The following ITSN1 variants were observed in gnomAD, a reference collection of about 807,000 sequenced individuals.
The protein encoded by ITSN1 is intersectin 1, also known as intersectin-1.
Under a neutral mutation model 239.8 loss-of-function variants are expected in ITSN1, and 58 were observed. The ratio of observed to expected loss-of-function variants is 0.24; its 90% CI spans 0.20 to 0.30. ITSN1 has a LOEUF of 0.30. ITSN1 is among the 10% of genes least tolerant of loss of function. The pLI, the probability that ITSN1 is intolerant of heterozygous loss-of-function variation, is 1.00. For synonymous variants in ITSN1, 780 were observed against 770.8 expected, an observed-to-expected ratio of 1.01 and a Z score of -0.20; for missense variants, 1,558 against 2,103.3, an observed-to-expected ratio of 0.74 and a Z score of 5.07.
intron 34 of ITSN1, among the ~76,000 whole-genome samples, chr21:33,877,130 C>T (rs535576275): frequency 8.2e-5 from 11 of 133,784 alleles, no homozygotes; most frequent in African/African-American, 1.7e-4. Flanking sequence ...CTCGGCTCCC[C>T]GCAACCTCTG....
intron 1 of ITSN1, among the ~76,000 whole-genome samples, chr21:33,653,204 A>G (rs930693035): frequency 6.6e-6 from 1 of 152,126 alleles, no homozygotes; most frequent in Non-Finnish European, 1.5e-5. Flanking sequence ...CATGTTGGCC[A>G]GGCTGATCTC....
intron 29 of ITSN1, among the ~76,000 whole-genome samples, chr21:33,842,449 C>T (rs1449331934): frequency 1.3e-5 from 2 of 152,092 alleles, no homozygotes; most frequent in Non-Finnish European, 2.9e-5. Context: ...GGCATACCAC[C>T]TCTTAGAAGC....
At chr21:33,746,347 T>G (rs2067180803) in intron 5 of ITSN1, among the ~76,000 whole-genome samples, 1 of 152,138 alleles carries the variant, frequency 6.6e-6, no homozygotes, top group Non-Finnish European at 1.5e-5. Flanking sequence ...AAAGAGGCAG[T>G]CAGTAGGAAC....
At chr21:33,802,365 A>C in intron 19 of ITSN1, 65 bp from the exon 20 acceptor site, 1 of 1,493,458 alleles carries the variant, frequency 6.7e-7, no homozygotes, top group Non-Finnish European at 9.3e-7. Context: ...ATATGCTGTA[A>C]GAATAAAGCA....
Position 33,857,290 on chromosome 21 carries a change from T to C in ITSN1, c.3783+433T>C, listed in dbSNP as rs1602613061. ...GCTGTCTCGAGTCATTCCTGCCATA[T>C]GTTACCCTGAGACAAACCTGTCACT... On this transcript the variant is annotated intron_variant, in intron 30 of 39. Transcript: ENST00000381318. 2.6e-5 allele frequency among the ~76,000 whole-genome samples: 4 copies of C among 152,318 alleles called. No homozygotes were observed. The South Asian group carries it at 8.3e-4, about 32-fold the overall frequency.
chr21:33,860,489 A>G (rs1980297839), intron 31 of ITSN1, among the ~76,000 whole-genome samples: 1 of 152,116 alleles, frequency 6.6e-6, no homozygotes, highest in African/African-American at 2.4e-5. Context: ...TGCTGGCCTC[A>G]GCTCCCCATA....
chr21:33,818,422 C>A lies in ITSN1; in HGVS notation c.2883C>A (p.Phe961Leu). Residue 961 changes from phenylalanine (F) to leucine (L), a missense_variant, in exon 23 of 40, where the codon TTC becomes TTA. Coordinates refer to ENST00000381318, the MANE Select transcript of ITSN1 (RefSeq NM_003024.3). ...AAGTTCAAGGTCAGAAGGGTTGGTT[C>A]CCCAAGTCTTACGTGAAACTCATTT... ...FGEVQGQKGWFPKSYVKLISG... is the reference protein window; with the variant it reads ...FGEVQGQKGWLPKSYVKLISG... The A allele has an allele frequency of 2.5e-6, 4 of 1,614,174 alleles. No individual in the cohort carries two copies. The highest frequency in any genetic ancestry group is 3.4e-6 in the Non-Finnish European group (4 of 1,180,032).
intron 1 of ITSN1, among the ~76,000 whole-genome samples, chr21:33,670,053 T>C (rs1169814842): frequency 6.6e-6 from 1 of 152,178 alleles, no homozygotes; most frequent in Non-Finnish European, 1.5e-5. Context: ...GAGCAGTAGT[T>C]GTCAAACTTT....
rs1474218926 is a variant in ITSN1 at position 33,882,616 on chromosome 21, C to T, written c.4554+161C>T. The stretch of plus-strand genomic sequence containing the variant: ...TAGGGTGTCCGGAGTGGAGGACGAT[C>T]CATATCCCGCCGCAGTGTCAGTGAC... On this transcript the variant is annotated intron_variant, in intron 35 of 39. Transcript: ENST00000381318. This position sits in a 1 kb window ranked among gnomAD's most constrained non-coding sequence, Gnocchi z 4.5. 6.6e-6 allele frequency among the ~76,000 whole-genome samples: 1 copy of T among 152,082 alleles called. No homozygotes were observed. Among genetic ancestry groups the T allele is most frequent in the African/African-American group, 2.4e-5 (1 of 41,406 alleles).
At position 33,826,810 on chromosome 21, in the gene ITSN1, G is replaced by GT. The variant is rs1345840442; in HGVS notation, c.3184-4dup. 3.1e-6 allele frequency: 5 copies of GT among 1,613,516 alleles called. No homozygotes were observed. Among genetic ancestry groups the GT allele is most frequent in the Non-Finnish European group, 4.2e-6 (5 of 1,179,626 alleles). On this transcript the variant is annotated splice_region_variant and splice_polypyrimidine_tract_variant and intron_variant, in intron 25 of 39. Transcript: ENST00000381318. ...GCATGCAAATGAGACCTTTTGCTCT[G>GT]TTTTAAGGGCTCTGGAACTGCTGGG...
chr21:33,799,751 C>T (rs2071833598), intron 18 of ITSN1, 57 bp from the exon 19 acceptor site: 2 of 1,585,522 alleles, frequency 1.3e-6, no homozygotes, highest in Admixed American at 1.7e-5. Flanking sequence ...TGTTGTCATA[C>T]ATTTGTGTTC....
At chr21:33,871,819 G>A (rs1190840977) in intron 33 of ITSN1, among the ~76,000 whole-genome samples, 1 of 152,194 alleles carries the variant, frequency 6.6e-6, no homozygotes, top group Admixed American at 6.5e-5. Context: ...GCAGTGAAGA[G>A]CACATAGCCT....
At chr21:33,684,794 A>G (rs895571335) in intron 1 of ITSN1, among the ~76,000 whole-genome samples, 1 of 152,204 alleles carries the variant, frequency 6.6e-6, no homozygotes, top group African/African-American at 2.4e-5. Context: ...TGTGTGAACT[A>G]CAGAAGAACT....
chr21:33,687,747 C>G (rs1317820548), intron 1 of ITSN1, among the ~76,000 whole-genome samples: 1 of 152,210 alleles, frequency 6.6e-6, no homozygotes, highest in Admixed American at 6.5e-5. Context: ...TATCATACAA[C>G]TTGAATTGGC....
At chr21:33,866,933 T>TAAAGCCAGAATCTCATCTCTGTAC (rs1981705080) in intron 32 of ITSN1, among the ~76,000 whole-genome samples, 2 of 152,100 alleles carry the variant, frequency 1.3e-5, no homozygotes, top group East Asian at 3.9e-4. Flanking sequence ...ATATTCTGTG[T>TAAAGCCAGAATCTCATCTCTGTAC]AAAGCCAGAA....
intron 1 of ITSN1, among the ~76,000 whole-genome samples, chr21:33,668,510 T>A (rs2090064032): frequency 2.6e-5 from 4 of 152,172 alleles, no homozygotes; most frequent in Admixed American, 6.5e-5. Context: ...CTATCAGTCT[T>A]TACTACCGCA....
chr21:33,734,287 C>T (rs2066362481), intron 4 of ITSN1, among the ~76,000 whole-genome samples: 1 of 152,142 alleles, frequency 6.6e-6, no homozygotes, highest in African/African-American at 2.4e-5. Context: ...GGCCGAGAAG[C>T]GATTCCTTTT....
rs571839550 is a variant in ITSN1, at chr21:33,676,545, A to G, written c.-33+33832A>G. ...GCCCAGCCTCTGCCACACTTCCATG[A>G]TTTCATTTGTTCACTAGGGTCTTCA... On this transcript the variant is annotated intron_variant, in intron 1 of 39. Coordinates refer to ENST00000381318, the MANE Select transcript of ITSN1 (RefSeq NM_003024.3). Among the ~76,000 whole-genome samples the G allele has an allele frequency of 1.6e-4, 24 of 152,254 alleles. No homozygotes were observed. In the South Asian group the frequency reaches 1.7e-3, roughly 11 times the overall value.
At chr21:33,658,564 A>G (rs774908117) in intron 1 of ITSN1, among the ~76,000 whole-genome samples, 7 of 152,220 alleles carry the variant, frequency 4.6e-5, no homozygotes, top group African/African-American at 7.2e-5. Flanking sequence ...TGCTGTTACA[A>G]TCTTACGGGA....
Sources: gnomAD v4.1 joint callset for allele counts (sites outside exome capture counted in the v4.1 genomes callset) on GRCh38, gnomAD v4.1.1 for gene constraint, Gnocchi (gnomAD v3.1) non-coding constraint, MANE v1.5 for transcripts, NCBI Gene and HGNC (gene_info 2026-07-23, HGNC 2026-07-21) for gene names.